Variants in ME3 observed in about 807,000 individuals in gnomAD.
ME3 encodes the protein NADP-dependent malic enzyme, mitochondrial.
A neutral mutation model predicts 68.9 loss-of-function variants in ME3; 48 were observed. The observed-to-expected ratio is 0.70, with a 90% CI of 0.55 to 0.89. The LOEUF (loss-of-function observed/expected upper bound fraction) is 0.89, where lower values mean the gene tolerates loss of function less well. ME3 is among the 40% of genes least tolerant of loss of function. ME3 has a pLI of 0.00. For missense variants in ME3, 675 were observed against 797.4 expected, an observed-to-expected ratio of 0.85 and a Z score of 1.85; for synonymous variants, 320 against 318.8, an observed-to-expected ratio of 1.00 and a Z score of -0.04.
At chr11:86,665,170 A>G (rs1946514988) in intron 2 of ME3, among the ~76,000 whole-genome samples, 1 of 152,242 alleles carries the variant, frequency 6.6e-6, no homozygotes, top group Admixed American at 6.5e-5. Context: ...ATCAATGAAC[A>G]AACAGACAAA....
chr11:86,493,442 G>A (rs1359423365), intron 6 of ME3, among the ~76,000 whole-genome samples: 1 of 152,230 alleles, frequency 6.6e-6, no homozygotes, highest in African/African-American at 2.4e-5. Flanking sequence ...TTAGCACAGG[G>A]TGGGATAACC....
chr11:86,626,819 C>CT (rs368050743), intron 2 of ME3, among the ~76,000 whole-genome samples: 21 of 152,304 alleles, frequency 1.4e-4, no homozygotes, highest in African/African-American at 4.8e-4. Context: ...TTAGAGTTTT[C>CT]TTTTTTCTTC....
intron 4 of ME3, among the ~76,000 whole-genome samples, chr11:86,539,461 A>T (rs1197143620): frequency 6.6e-6 from 1 of 152,154 alleles, no homozygotes; most frequent in Non-Finnish European, 1.5e-5. Context: ...TGAGCTGTAA[A>T]CTCCTCAAAA....
At chr11:86,479,874 G>T (rs1451181699) in intron 7 of ME3, among the ~76,000 whole-genome samples, 2 of 151,704 alleles carry the variant, frequency 1.3e-5, no homozygotes, top group African/African-American at 4.8e-5. Flanking sequence ...GAGTGCAGTG[G>T]TGCCATCTCA....
chr11:86,608,185 T>G (rs1257960099), intron 2 of ME3, among the ~76,000 whole-genome samples: 4 of 152,180 alleles, frequency 2.6e-5, no homozygotes, highest in Non-Finnish European at 4.4e-5. Flanking sequence ...TAAATGGATC[T>G]AGCAGATTAA....
intron 4 of ME3, among the ~76,000 whole-genome samples, chr11:86,535,865 C>A (rs1316746936): frequency 1.3e-5 from 2 of 152,162 alleles, no homozygotes; most frequent in Non-Finnish European, 2.9e-5. Context: ...AAAAATAAAA[C>A]TTCTTCTATC....
exon 12 of ME3, chr11:86,447,076 G>A (rs777287622): frequency 1.3e-5 from 21 of 1,613,914 alleles, no homozygotes; most frequent in East Asian, 1.1e-4. Context: ...TCGGTGACCC[G>A]GTAGCACTTC....
chr11:86,454,039 T>G (rs1490917125), intron 8 of ME3, among the ~76,000 whole-genome samples: 2 of 152,162 alleles, frequency 1.3e-5, no homozygotes, highest in Admixed American at 6.5e-5. Flanking sequence ...GAGCTCACAA[T>G]AAAGTAATCA....
At chr11:86,460,838 G>A (rs1950191692) in intron 8 of ME3, among the ~76,000 whole-genome samples, 1 of 152,232 alleles carries the variant, frequency 6.6e-6, no homozygotes, top group Admixed American at 6.5e-5. Context: ...ATTGCAGCAT[G>A]GGCTGTATCT....
chr11:86,619,667 T>G (rs1943222065), intron 2 of ME3, among the ~76,000 whole-genome samples: 1 of 152,254 alleles, frequency 6.6e-6, no homozygotes. Context: ...TTCTACCTTC[T>G]GCCATGACTG....
chr11:86,586,456 G>C (rs1162159508), intron 2 of ME3, among the ~76,000 whole-genome samples: 1 of 152,182 alleles, frequency 6.6e-6, no homozygotes, highest in African/African-American at 2.4e-5. Context: ...GAGGTCCAGG[G>C]TGTGACTCTG....
chr11:86,532,042 G>A (rs879818279), intron 4 of ME3, among the ~76,000 whole-genome samples: 8 of 150,480 alleles, frequency 5.3e-5, no homozygotes, highest in Non-Finnish European at 8.9e-5. Context: ...GATATTCCAC[G>A]CAAATGTAAA....
At chr11:86,570,980 G>C (rs1196674175) in intron 2 of ME3, among the ~76,000 whole-genome samples, 1 of 152,174 alleles carries the variant, frequency 6.6e-6, no homozygotes, top group African/African-American at 2.4e-5. Context: ...CCTTTACTGG[G>C]TCATTGTGTC....
At chr11:86,498,049 C>T (rs1182251230) in exon 6 of ME3, 1 of 1,613,828 alleles carries the variant, frequency 6.2e-7, no homozygotes, top group African/African-American at 1.3e-5. Flanking sequence ...GCCAGCTTGC[C>T]CACAGGGATG....
At chr11:86,470,836 C>T (rs569552965) in intron 7 of ME3, among the ~76,000 whole-genome samples, 47 of 152,320 alleles carry the variant, frequency 3.1e-4, no homozygotes, top group African/African-American at 1.1e-3. Context: ...TTCCCCTCCC[C>T]CAATCCATCT....
intron 2 of ME3, among the ~76,000 whole-genome samples, chr11:86,582,729 T>C (rs1307257133): frequency 6.6e-6 from 1 of 152,164 alleles, no homozygotes; most frequent in South Asian, 2.1e-4. Flanking sequence ...ATGATAGCAC[T>C]GGTCCGACAC....
chr11:86,609,992 A>G (rs1299573600), intron 2 of ME3, among the ~76,000 whole-genome samples: 4 of 152,214 alleles, frequency 2.6e-5, no homozygotes, highest in Non-Finnish European at 5.9e-5. Context: ...ACAACCCTTC[A>G]AGGGTATAAA....
At chr11:86,582,337 G>T (rs1334799707) in intron 2 of ME3, among the ~76,000 whole-genome samples, 1 of 152,206 alleles carries the variant, frequency 6.6e-6, no homozygotes, top group African/African-American at 2.4e-5. Context: ...TAAAAATTCA[G>T]TGTGCATCAG....
chr11:86,557,691 T>C (rs563688999), intron 3 of ME3, among the ~76,000 whole-genome samples: 11 of 152,118 alleles, frequency 7.2e-5, no homozygotes, highest in Non-Finnish European at 1.2e-4. Context: ...CTGGAAGGTG[T>C]TTTTAGCAAG....
Sources: allele counts gnomAD v4.1 joint callset (sites outside exome capture counted in the v4.1 genomes callset), GRCh38; gene constraint gnomAD v4.1.1; transcripts MANE v1.5; gene names NCBI Gene and HGNC (gene_info 2026-07-23, HGNC 2026-07-21).